Variants in RALYL observed in about 807,000 individuals in gnomAD.
RALYL encodes RNA-binding Raly-like protein.
RALYL carries 29 observed loss-of-function variants against 35.1 expected under a neutral mutation model. The ratio of observed to expected loss-of-function variants is 0.83; its 90% CI spans 0.61 to 1.13. The LOEUF is 1.13. Ranked by LOEUF, RALYL falls within the 50% of genes most tolerant of loss-of-function variation. The probability of loss-of-function intolerance (pLI) is 0.00; values close to 1 mark genes in which losing one functional copy is unlikely to be tolerated. For missense variants in RALYL, 359 were observed against 360.4 expected (o/e 1.00, Z 0.03); for synonymous variants, 120 against 127.6 (o/e 0.94, Z 0.40).
intron 1 of RALYL, among the ~76,000 whole-genome samples, chr8:84,358,691 G>T (rs1399971169): frequency 6.6e-6 from 1 of 151,926 alleles, no homozygotes; most frequent in Admixed American, 6.6e-5. Context: ...TGAGAAGAAT[G>T]GCTTAACTGC....
At chr8:84,209,140 A>AG (rs1309701141) in intron 1 of RALYL, among the ~76,000 whole-genome samples, 1 of 150,898 alleles carries the variant, frequency 6.6e-6, no homozygotes, top group Non-Finnish European at 1.5e-5. Context: ...AAAAAAAAAA[A>AG]AAAAGAAAAG....
chr8:84,517,834 G>A (rs1050398661), intron 1 of RALYL, among the ~76,000 whole-genome samples: 5 of 152,030 alleles, frequency 3.3e-5, no homozygotes, highest in African/African-American at 9.7e-5. Flanking sequence ...ACTGTGCTTA[G>A]TACCTTAGTG....
At chr8:84,517,664 G>A (rs1264468471) in intron 1 of RALYL, among the ~76,000 whole-genome samples, 1 of 152,160 alleles carries the variant, frequency 6.6e-6, no homozygotes, top group Non-Finnish European at 1.5e-5. Flanking sequence ...GAATGTGGAA[G>A]TATTCAAAAG....
chr8:84,459,445 A>G (rs2050497821), intron 1 of RALYL, among the ~76,000 whole-genome samples: 1 of 151,852 alleles, frequency 6.6e-6, no homozygotes, highest in Non-Finnish European at 1.5e-5. Context: ...GTAAACAAAC[A>G]TAAAATGGGG....
intron 2 of RALYL, among the ~76,000 whole-genome samples, chr8:84,729,938 T>A (rs1454175016): frequency 6.6e-6 from 1 of 152,042 alleles, no homozygotes; most frequent in Non-Finnish European, 1.5e-5. Context: ...GATTCACAGC[T>A]GAATTCTACC....
chr8:84,384,200 T>A (rs558322608), intron 1 of RALYL, among the ~76,000 whole-genome samples: 2 of 151,808 alleles, frequency 1.3e-5, no homozygotes, highest in South Asian at 4.1e-4. Flanking sequence ...TTCCTTTCCT[T>A]TAAAATGGGG....
intron 1 of RALYL, among the ~76,000 whole-genome samples, chr8:84,316,137 G>A (rs1306330481): frequency 1.3e-5 from 2 of 152,002 alleles, no homozygotes; most frequent in African/African-American, 4.8e-5. Context: ...ATTTTACAAA[G>A]CCATCTTTAC....
chr8:84,745,438 A>G (rs1218820007), intron 2 of RALYL, among the ~76,000 whole-genome samples: 1 of 152,014 alleles, frequency 6.6e-6, no homozygotes, highest in Non-Finnish European at 1.5e-5. Flanking sequence ...TCTATTGTGT[A>G]ATTAAGTGTA....
At chr8:84,218,810 G>C (rs77540382) in intron 1 of RALYL, among the ~76,000 whole-genome samples, 5,084 of 152,132 alleles carry the variant, frequency 0.033, 293 homozygotes, top group African/African-American at 0.11. Context: ...AAAATTGTAC[G>C]ATAGTGCCCA....
chr8:84,579,653 T>G (rs896811569), intron 2 of RALYL, among the ~76,000 whole-genome samples: 1 of 152,232 alleles, frequency 6.6e-6, no homozygotes, highest in Non-Finnish European at 1.5e-5. Context: ...GACAAGCATC[T>G]CAAAGTCATT....
At chr8:84,726,124 T>C (rs1844897803) in intron 2 of RALYL, among the ~76,000 whole-genome samples, 1 of 150,538 alleles carries the variant, frequency 6.6e-6, no homozygotes, top group African/African-American at 2.4e-5. Flanking sequence ...CCATAAACAA[T>C]CATCATTTTG....
At chr8:84,523,393 C>A (rs189654883) in intron 1 of RALYL, among the ~76,000 whole-genome samples, 1,711 of 151,758 alleles carry the variant, frequency 0.011, 22 homozygotes, top group Admixed American at 0.018. Context: ...CCCACTGGGT[C>A]CCTCCCATAA....
chr8:84,397,586 C>G (rs1339405813), intron 1 of RALYL, among the ~76,000 whole-genome samples: 1 of 152,162 alleles, frequency 6.6e-6, no homozygotes, highest in Admixed American at 6.5e-5. Context: ...CTCGTGTAAC[C>G]TAGGCCAGAA....
chr8:84,669,493 C>CT (rs1554771621), intron 2 of RALYL, among the ~76,000 whole-genome samples: 1,113 of 61,938 alleles, frequency 0.018, 76 homozygotes, highest in African/African-American at 0.068. Flanking sequence ...CCCCTCCCCC[C>CT]CCCCCCACTC....
chr8:84,349,297 A>G (rs1434948298), intron 1 of RALYL, among the ~76,000 whole-genome samples: 1 of 150,376 alleles, frequency 6.6e-6, no homozygotes, highest in Non-Finnish European at 1.5e-5. Flanking sequence ...GAAAAATGCT[A>G]TTGCACCTTT....
chr8:84,403,543 T>G (rs867592530), intron 1 of RALYL, among the ~76,000 whole-genome samples: 4,156 of 143,718 alleles, frequency 0.029, 310 homozygotes, highest in African/African-American at 0.1. Context: ...TTTTTTTTTT[T>G]TTTTTTTTTT....
chr8:84,622,946 C>A (rs376946380), intron 2 of RALYL, among the ~76,000 whole-genome samples: 2 of 152,098 alleles, frequency 1.3e-5, no homozygotes, highest in East Asian at 3.9e-4. Flanking sequence ...AAGACTGCAC[C>A]TTTTTGAGAT....
At chr8:84,687,705 C>A (rs1837111025) in intron 2 of RALYL, among the ~76,000 whole-genome samples, 1 of 152,048 alleles carries the variant, frequency 6.6e-6, no homozygotes, top group African/African-American at 2.4e-5. Flanking sequence ...CTATGAAGTA[C>A]TCTACAGAAG....
intron 2 of RALYL, among the ~76,000 whole-genome samples, chr8:84,583,499 TAATA>T (rs1293943950): frequency 1.3e-5 from 2 of 152,154 alleles, no homozygotes; most frequent in Non-Finnish European, 2.9e-5. Context: ...AAACTTAATT[TAATA>T]AATAATCAAA....
Sources: allele counts gnomAD v4.1 joint callset (sites outside exome capture counted in the v4.1 genomes callset), GRCh38; gene constraint gnomAD v4.1.1; transcripts MANE v1.5; gene names NCBI Gene and HGNC (gene_info 2026-07-23, HGNC 2026-07-21).